The following INPP5D variants were observed in gnomAD, a reference collection of about 807,000 sequenced individuals.
The protein encoded by INPP5D is inositol polyphosphate-5-phosphatase D.
A neutral mutation model predicts 122.9 loss-of-function variants in INPP5D; 33 were observed. The observed-to-expected ratio is 0.27, with a 90% confidence interval of 0.20 to 0.36. INPP5D has a LOEUF of 0.36. Among genes scored for constraint, INPP5D ranks in the 10% least tolerant of loss-of-function variants. The pLI, the probability that INPP5D is intolerant of heterozygous loss-of-function variation, is 1.00. For missense variants in INPP5D, 1,053 were observed against 1,412.7 expected (o/e 0.75, Z 4.08); for synonymous variants, 584 against 576.2 (o/e 1.01, Z -0.19).
intron 2 of INPP5D, among the ~76,000 whole-genome samples, chr2:233,106,754 C>T (rs78309527): frequency 0.018 from 2,716 of 152,292 alleles, 73 homozygotes; most frequent in African/African-American, 0.062. Flanking sequence ...TGATCAAGGA[C>T]GCATCCTGTC....
chr2:233,080,429 G>C lies in INPP5D; in HGVS notation c.198+1031G>C, dbSNP rs1423066500. Among the ~76,000 whole-genome samples, 9 of 54,012 alleles carry C rather than the reference G, an allele frequency of 1.7e-4. No homozygotes were observed. In the East Asian group the frequency reaches 4.7e-3, roughly 28 times the overall value. 35.4% of individuals were successfully genotyped at this position (54,012 alleles called of 152,430 possible). On this transcript the variant is annotated intron_variant, in intron 2 of 26. Transcript: ENST00000445964. The stretch of plus-strand genomic sequence containing the variant: ...GAAGGAGACAAAGTTTCCACATCCC[G>C]GGTGTGTGTGTGTGTGTGTGTGTGT...
At chr2:233,109,437 G>T (rs886419854) in intron 2 of INPP5D, among the ~76,000 whole-genome samples, 2 of 152,204 alleles carry the variant, frequency 1.3e-5, no homozygotes, top group Non-Finnish European at 2.9e-5. Context: ...CGTGGGCATT[G>T]TTGCAACTAT....
chr2:233,199,801 C>T (rs543962510), intron 25 of INPP5D, among the ~76,000 whole-genome samples: 40 of 152,254 alleles, frequency 2.6e-4, no homozygotes, highest in African/African-American at 9.4e-4. Context: ...TGCACTCCAG[C>T]CTGGGCGACA....
rs1002242101 is a variant in INPP5D at position 233,177,005 on chromosome 2, A to G, written c.1990-260A>G. Among the ~76,000 whole-genome samples, 11 of 152,104 alleles carry G rather than the reference A, an allele frequency of 7.2e-5. No homozygotes were observed. The highest frequency in any genetic ancestry group is 2.7e-4 in the African/African-American group (11 of 41,404). On this transcript the variant is annotated intron_variant, in intron 17 of 26. Coordinates refer to ENST00000445964, the MANE Select transcript of INPP5D (RefSeq NM_001017915.3). This position sits in a 1 kb window ranked among gnomAD's most constrained non-coding sequence, Gnocchi z 4.2. Reference sequence around the variant, plus strand: ...GAAAGTAAGAGAAGGTGAAGATACAAGGGATACTGAAGTAGTCAGGAGGAT... The same window carrying G: ...GAAAGTAAGAGAAGGTGAAGATACAGGGGATACTGAAGTAGTCAGGAGGAT...
chr2:233,144,673 A>G (rs1379380566), intron 6 of INPP5D, among the ~76,000 whole-genome samples: 3 of 97,178 alleles, frequency 3.1e-5, no homozygotes, highest in Non-Finnish European at 4.7e-5. Flanking sequence ...GGTGGTGGTG[A>G]TGGTGATGGT....
intron 5 of INPP5D, among the ~76,000 whole-genome samples, chr2:233,138,912 A>ATTTTTTT (rs759201099): frequency 1.4e-5 from 2 of 140,430 alleles, no homozygotes; most frequent in African/African-American, 2.6e-5. Context: ...CACCTGGCTA[A>ATTTTTTT]TTTTTTTTTT....
chr2:233,175,061 A>G (rs1185188073), intron 17 of INPP5D, among the ~76,000 whole-genome samples: 1 of 151,630 alleles, frequency 6.6e-6, no homozygotes, highest in Non-Finnish European at 1.5e-5. Flanking sequence ...ACCCGTCTCT[A>G]TACAAAATTA....
chr2:233,134,013 G>A (rs182348970), intron 5 of INPP5D: 4 of 456,040 alleles, frequency 8.8e-6, no homozygotes, highest in South Asian at 1.5e-5. Context: ...CCTGGGACAC[G>A]TGTGCATGGC....
At chr2:233,173,208 CAAAAAAAA>C in intron 17 of INPP5D, among the ~76,000 whole-genome samples, 1 of 100,060 alleles carries the variant, frequency 1.0e-5, no homozygotes, top group South Asian at 3.7e-4. Context: ...GACTGTGTCT[CAAAAAAAA>C]AAAAAAAAAA....
intron 2 of INPP5D, among the ~76,000 whole-genome samples, chr2:233,097,613 T>C (rs973138546): frequency 6.6e-6 from 1 of 152,216 alleles, no homozygotes; most frequent in African/African-American, 2.4e-5. Context: ...TGACATTTTC[T>C]GGTTAGGTTT....
chr2:233,123,232 G>A (rs924144006), intron 3 of INPP5D, among the ~76,000 whole-genome samples: 13 of 152,314 alleles, frequency 8.5e-5, no homozygotes, highest in African/African-American at 2.4e-4. Context: ...GAGGCGGGCA[G>A]ATCACGAGGT....
At chr2:233,081,495 G>A (rs1047081569) in intron 2 of INPP5D, among the ~76,000 whole-genome samples, 1 of 152,190 alleles carries the variant, frequency 6.6e-6, no homozygotes. Context: ...AGTAGAGTCG[G>A]CACCCGCCGC....
intron 2 of INPP5D, among the ~76,000 whole-genome samples, chr2:233,119,509 AT>A (rs1212236790): frequency 1.3e-5 from 2 of 152,300 alleles, no homozygotes; most frequent in Admixed American, 1.3e-4. Context: ...TTTGAAAGAG[AT>A]TGCTTAACAC....
chr2:233,138,355 T>C (rs903165587), intron 5 of INPP5D, among the ~76,000 whole-genome samples: 2 of 143,128 alleles, frequency 1.4e-5, no homozygotes, highest in Non-Finnish European at 3.0e-5. Context: ...TATAACACTA[T>C]ATAAAAATAT....
In INPP5D at chr2:233,164,479, G is replaced by A. The variant is rs1007773591; in HGVS notation, c.1555+55G>A. 1.3e-5 allele frequency: 19 copies of A among 1,493,064 alleles called. No individual in the cohort carries two copies. The highest frequency in any genetic ancestry group is 5.2e-5 in the South Asian group (4 of 76,756). The allele number at this position is 1,493,064 out of a possible 1,614,324, so 92.5% of individuals were successfully genotyped here. A position where few individuals can be genotyped will look rare whatever the true frequency, so the allele number is the denominator to read the frequency against. On this transcript the variant is annotated intron_variant, in intron 13 of 26. Transcript: ENST00000445964. The surrounding 1 kb of genome is among the most constrained non-coding windows in gnomAD (Gnocchi z 4.3). ...CCACACCCTCTGCCTCAACTCTCGC[G>A]ACCACATCATCCTGATCCCACCAGT...
chr2:233,127,955 G>A (rs531239358), intron 4 of INPP5D, among the ~76,000 whole-genome samples: 106 of 152,296 alleles, frequency 7.0e-4, no homozygotes, highest in African/African-American at 2.4e-3. Flanking sequence ...ACAGACTCAC[G>A]GTATCAAAGT....
Position 233,164,264 on chromosome 2 carries a change from C to T in INPP5D, c.1438-43C>T. The T allele has an allele frequency of 1.3e-6, 2 of 1,522,406 alleles. No individual in the cohort carries two copies. The highest frequency in any genetic ancestry group is 1.8e-6 in the Non-Finnish European group (2 of 1,131,546). 94.3% of individuals were successfully genotyped at this position (1,522,406 alleles called of 1,614,324 possible). Reference sequence around the variant, plus strand: ...GTGAATCACTGTGCCCTGGTTCACACCCTACACTTGGGCCGAGTATTGCAA... The same window carrying T: ...GTGAATCACTGTGCCCTGGTTCACATCCTACACTTGGGCCGAGTATTGCAA... On this transcript the variant is annotated intron_variant, in intron 12 of 26. Transcript: ENST00000445964. The surrounding 1 kb of genome is among the most constrained non-coding windows in gnomAD (Gnocchi z 4.3).
chr2:233,193,631 C>T lies in INPP5D; in HGVS notation c.2447-181C>T, dbSNP rs961278999. Reference sequence around the variant, plus strand: ...AATTTTTTTTACATCAACTAATCCACGTTTTGTTCTAAGACTTGAGACATT... The same window carrying T: ...AATTTTTTTTACATCAACTAATCCATGTTTTGTTCTAAGACTTGAGACATT... On this transcript the variant is annotated intron_variant, in intron 22 of 26. Coordinates refer to ENST00000445964, the MANE Select transcript of INPP5D (RefSeq NM_001017915.3). 7.2e-5 allele frequency among the ~76,000 whole-genome samples: 11 copies of T among 152,174 alleles called. No homozygotes were observed. In the East Asian group the frequency reaches 7.7e-4, roughly 11 times the overall value.
intron 1 of INPP5D, among the ~76,000 whole-genome samples, chr2:233,079,106 C>T (rs1472928035): frequency 6.6e-6 from 1 of 152,104 alleles, no homozygotes. Flanking sequence ...CCCCCCCCAA[C>T]CTTTTCCTGG....
Sources: allele counts gnomAD v4.1 joint callset (sites outside exome capture counted in the v4.1 genomes callset), GRCh38; gene constraint gnomAD v4.1.1; non-coding constraint Gnocchi (gnomAD v3.1); transcripts MANE v1.5; gene names NCBI Gene and HGNC (gene_info 2026-07-23, HGNC 2026-07-21).